MYH11: variants seen among roughly 807,000 people sequenced by gnomAD.
MYH11 encodes myosin heavy chain 11, also known as myosin-11.
A neutral mutation model predicts 246.6 loss-of-function variants in MYH11; 80 were observed. That is an observed-to-expected ratio of 0.32 (90% CI 0.27 to 0.39). The LOEUF (loss-of-function observed/expected upper bound fraction) is 0.39, where lower values mean the gene tolerates loss of function less well. Ranked by LOEUF, MYH11 falls within the 10% of genes least tolerant of loss-of-function variation. The pLI, the probability that MYH11 is intolerant of heterozygous loss-of-function variation, is 1.00. For synonymous variants in MYH11, 1,071 were observed against 1,015.5 expected (o/e 1.05, Z -1.04); for missense variants, 2,158 against 2,546.8 (o/e 0.85, Z 3.29).
chr16:15,823,443 C>T, intron 2 of MYH11, 32 bp from the exon 3 acceptor site: 4 of 1,614,080 alleles, frequency 2.5e-6, no homozygotes, highest in Non-Finnish European at 3.4e-6. Context: ...TACTTCCAGA[C>T]CTCCTCCAGG....
rs572771356 is a variant in MYH11, at chr16:15,798,366, C to A, written c.530+294G>T. Among the ~76,000 whole-genome samples the A allele has an allele frequency of 1.2e-3, 178 of 152,240 alleles. 1 individual carries two copies. The highest frequency in any genetic ancestry group is 4.0e-3 in the African/African-American group (165 of 41,524). ...ATAAAATCTTTAGTTCAAGTCCTGG[C>A]ACAGAGTACATGTTCAATAAATGCT... On this transcript the variant is annotated intron_variant, in intron 4 of 40. Coordinates refer to ENST00000300036, the MANE Select transcript of MYH11 (RefSeq NM_002474.3).
At chr16:15,749,878 GAATAC>G in intron 16 of MYH11, 1 of 595,628 alleles carries the variant, frequency 1.7e-6, no homozygotes, top group South Asian at 2.1e-5. Flanking sequence ...AGAGCCCAGT[GAATAC>G]TTCCTGGGAT....
chr16:15,845,882 A>G (rs927650837), intron 1 of MYH11, among the ~76,000 whole-genome samples: 5 of 152,166 alleles, frequency 3.3e-5, no homozygotes, highest in African/African-American at 9.7e-5. Context: ...ACTTGAGGTC[A>G]GGAGTTTGAG....
chr16:15,714,879 C>T (rs1176802425), intron 40 of MYH11, 30 bp downstream of exon 40: 29 of 1,611,838 alleles, frequency 1.8e-5, no homozygotes, highest in Admixed American at 3.3e-5. Context: ...GCCTGAGAGA[C>T]GGGGTCCTCC....
At chr16:15,840,155 T>C (rs190198161) in intron 1 of MYH11, among the ~76,000 whole-genome samples, 3 of 152,200 alleles carry the variant, frequency 2.0e-5, no homozygotes, top group East Asian at 3.9e-4. Context: ...TTCGGGGTGA[T>C]AAAAGTATTC....
intron 28 of MYH11, 75 bp downstream of exon 28, chr16:15,726,773 C>T: frequency 1.9e-6 from 3 of 1,555,366 alleles, no homozygotes; most frequent in Non-Finnish European, 2.6e-6. Flanking sequence ...CCTCAGCGAG[C>T]CGGGAAGAGG....
chr16:15,708,787 G>A (rs2039609042), intron 40 of MYH11: 1 of 1,604,314 alleles, frequency 6.2e-7, no homozygotes, highest in African/African-American at 1.3e-5. Context: ...CAGCTGCGAA[G>A]CTGAAGGCAT....
chr16:15,720,404 G>C, intron 33 of MYH11, 92 bp from the exon 34 acceptor site: 1 of 1,497,250 alleles, frequency 6.7e-7, no homozygotes, highest in Non-Finnish European at 9.1e-7. Context: ...CCCTTCCCCA[G>C]CACAGCCCCC....
intron 1 of MYH11, among the ~76,000 whole-genome samples, chr16:15,853,386 A>G (rs570407854): frequency 6.6e-6 from 1 of 152,174 alleles, no homozygotes; most frequent in African/African-American, 2.4e-5. Context: ...TCCTGACTTC[A>G]AGCCATCCCC....
chr16:15,799,908 A>G (rs1821875630), intron 3 of MYH11, among the ~76,000 whole-genome samples: 1 of 151,936 alleles, frequency 6.6e-6, no homozygotes, highest in South Asian at 2.1e-4. Flanking sequence ...TGTTAGATGG[A>G]TGGATTGAGG....
rs113860317 is a variant in MYH11 at position 15,720,742 on chromosome 16, T to TAAAAA, written c.4791+96_4791+97insTTTTT. 2,869 of 1,351,282 alleles carry TAAAAA rather than the reference T, an allele frequency of 2.1e-3. 51 individuals are homozygous for TAAAAA. The African/African-American group carries it at 0.035, about 16-fold the overall frequency. 83.7% of individuals were successfully genotyped at this position (1,351,282 alleles called of 1,614,324 possible). A position where few individuals can be genotyped will look rare whatever the true frequency, so the allele number is the denominator to read the frequency against. ...AGCGAGACTCTGTTTCAAAAAAAAA[T>TAAAAA]AAAGAAAACGAAGTTTCCACACCAA... On this transcript the variant is annotated intron_variant, in intron 33 of 40. Coordinates refer to ENST00000300036, the MANE Select transcript of MYH11 (RefSeq NM_002474.3).
At chr16:15,800,847 C>G (rs542059063) in intron 3 of MYH11, among the ~76,000 whole-genome samples, 1 of 152,154 alleles carries the variant, frequency 6.6e-6, no homozygotes, top group East Asian at 1.9e-4. Context: ...ATCCTCAAGA[C>G]AAAAGGCCTA....
chr16:15,835,027 G>A (rs889818086), intron 2 of MYH11, among the ~76,000 whole-genome samples: 4 of 148,508 alleles, frequency 2.7e-5, no homozygotes, highest in Non-Finnish European at 4.4e-5. Context: ...GCTGTACTGA[G>A]CTACGATAGA....
At chr16:15,821,942 A>C (rs1253023032) in intron 3 of MYH11, among the ~76,000 whole-genome samples, 5 of 148,762 alleles carry the variant, frequency 3.4e-5, no homozygotes, top group Admixed American at 3.3e-4. Context: ...AAAAAAAGAC[A>C]GATACCTGAC....
At chr16:15,798,737 G>A (rs758563455) in intron 3 of MYH11, 50 bp from the exon 4 acceptor site, 4 of 1,595,398 alleles carry the variant, frequency 2.5e-6, no homozygotes, top group Non-Finnish European at 2.6e-6. Flanking sequence ...TGAGCTCTGA[G>A]CTAAGGGTCT....
chr16:15,821,170 C>A (rs565632149), intron 3 of MYH11, among the ~76,000 whole-genome samples: 1 of 152,172 alleles, frequency 6.6e-6, no homozygotes, highest in African/African-American at 2.4e-5. Context: ...CTGTGCCTGG[C>A]CTGCAATGTC....
intron 38 of MYH11, among the ~76,000 whole-genome samples, chr16:15,716,186 G>T (rs1321590561): frequency 6.6e-6 from 1 of 152,098 alleles, no homozygotes. Context: ...ACCTACCTCA[G>T]CCTCCCAAAG....
chr16:15,778,746 G>A lies in MYH11; in HGVS notation c.790+34C>T, dbSNP rs764839912. 10 of 1,605,078 alleles carry A rather than the reference G, an allele frequency of 6.2e-6. No homozygotes were observed. In the African/African-American group the frequency reaches 1.2e-4, roughly 19 times the overall value. ...GGCAGGAGATTGGTAGGGGGCAGGG[G>A]TACCCATTTGGCCCAGGCTCAGGGA... On this transcript the variant is annotated intron_variant, in intron 7 of 40. Transcript: ENST00000300036.
At chr16:15,759,546 C>T (rs1254219953) in intron 12 of MYH11, 30 bp downstream of exon 12, 1 of 1,614,076 alleles carries the variant, frequency 6.2e-7, no homozygotes. Flanking sequence ...CAACCAAGAC[C>T]ATGGCTCTTA....
Sources: allele counts gnomAD v4.1 joint callset (sites outside exome capture counted in the v4.1 genomes callset), GRCh38; gene constraint gnomAD v4.1.1; transcripts MANE v1.5; gene names NCBI Gene and HGNC (gene_info 2026-07-23, HGNC 2026-07-21).